The following LAMB1 variants were observed in gnomAD, a reference collection of about 807,000 sequenced individuals.
LAMB1 encodes the protein laminin subunit beta-1.
In LAMB1, 121 loss-of-function variants were observed where a neutral mutation model predicts 222.3. That is an observed-to-expected ratio of 0.54 (90% CI 0.47 to 0.63). LAMB1 has a LOEUF of 0.63. Ranked by LOEUF, LAMB1 falls within the 30% of genes least tolerant of loss-of-function variation. The pLI is 0.00. For synonymous variants in LAMB1, 794 were observed against 807.2 expected (o/e 0.98, Z 0.28); for missense variants, 2,172 against 2,240.8 (o/e 0.97, Z 0.62).
chr7:107,972,477 T>C (rs1388827859), intron 13 of LAMB1, among the ~76,000 whole-genome samples: 2 of 152,180 alleles, frequency 1.3e-5, no homozygotes. Context: ...CAAATGTGTG[T>C]TCTGATAGCT....
intron 26 of LAMB1, among the ~76,000 whole-genome samples, chr7:107,936,629 T>C (rs1273174660): frequency 2.0e-5 from 3 of 152,230 alleles, no homozygotes; most frequent in Non-Finnish European, 4.4e-5. Context: ...CAGTATGATG[T>C]AACATATTTC....
Position 107,998,388 on chromosome 7 carries a change from G to A in LAMB1, c.318C>T (p.Asn106=). 6.2e-7 allele frequency: 1 copy of A among 1,614,030 alleles called. No homozygotes were observed. Among genetic ancestry groups the A allele is most frequent in the Non-Finnish European group, 8.5e-7 (1 of 1,179,958 alleles). The change falls in exon 4 of 34, where the codon AAC becomes AAT. Residue 106 remains asparagine, a synonymous_variant. Coordinates refer to ENST00000222399, the MANE Select transcript of LAMB1 (RefSeq NM_002291.3). ...CAGATTGCCACCAAATCTTAAGGCG[G>A]TTTGGAGCAAATGTAGTGACCACAT... The part of the protein sequence containing the change: ...IENVVTTFAP[N]RLKIWWQSEN...
chr7:107,923,845 T>C lies in LAMB1; in HGVS notation c.*106A>G, dbSNP rs1364492714. On this transcript the variant is annotated 3_prime_UTR_variant, in exon 34 of 34. Coordinates refer to ENST00000222399, the MANE Select transcript of LAMB1 (RefSeq NM_002291.3). ...TTATTTAACTCCATACAAAATGTGA[T>C]TAAAAACATTAAATAGGTGATGTTT... 5 of 1,051,712 alleles carry C rather than the reference T, an allele frequency of 4.8e-6. No individual in the cohort carries two copies. The highest frequency in any genetic ancestry group is 1.7e-5 in the African/African-American group (1 of 59,658). The allele number at this position is 1,051,712 out of a possible 1,614,324, so 65.1% of individuals were successfully genotyped here.
chr7:107,928,803 G>A (rs1333702889), intron 31 of LAMB1, among the ~76,000 whole-genome samples: 1 of 152,188 alleles, frequency 6.6e-6, no homozygotes, highest in Non-Finnish European at 1.5e-5. Flanking sequence ...AAGAATAGAA[G>A]TTTTTATCTT....
rs2032710779 is a variant in LAMB1, at chr7:107,931,511, A to G, written c.4393-11T>C. The G allele has an allele frequency of 1.2e-6, 2 of 1,611,202 alleles. No homozygotes were observed. The highest frequency in any genetic ancestry group is 2.7e-5 in the African/African-American group (2 of 74,944). On this transcript the variant is annotated splice_polypyrimidine_tract_variant and intron_variant, in intron 28 of 33. Coordinates refer to ENST00000222399, the MANE Select transcript of LAMB1 (RefSeq NM_002291.3). The stretch of plus-strand genomic sequence containing the variant: ...TTTTGCTTCAGAGACCTAAATATGA[A>G]GAATAAATTACCCAGGGAAGACTTT...
intron 5 of LAMB1, among the ~76,000 whole-genome samples, chr7:107,990,538 GACTA>G (rs1027454057): frequency 1.7e-3 from 252 of 151,022 alleles, no homozygotes; most frequent in African/African-American, 5.9e-3. Context: ...TATTTCACTT[GACTA>G]ACTAATTTTT....
At position 107,953,589 on chromosome 7, in the gene LAMB1, T is replaced by C. The variant is rs755742559; in HGVS notation, c.3020A>G (p.Glu1007Gly). The change falls in exon 22 of 34, where the codon GAA becomes GGA. Residue 1007 changes from glutamate (E) to glycine (G), a missense_variant. Physicochemically the swap from Glu to Gly is moderately conservative, Grantham distance 98. Transcript: ENST00000222399. ...TCCAAACCGGCAGAACTGACAGTGT[T>C]CCCCTTCCGTGTGGTACAGGCACTT... Reference protein sequence around the residue: ...CLKCLYHTEGEHCQFCRFGYY... With the variant: ...CLKCLYHTEGGHCQFCRFGYY... The C allele has an allele frequency of 1.2e-6, 2 of 1,614,164 alleles. No individual in the cohort carries two copies. Among genetic ancestry groups the C allele is most frequent in the Non-Finnish European group, 1.7e-6 (2 of 1,180,024 alleles).
At chr7:107,954,980 G>A (rs1289227849) in intron 21 of LAMB1, among the ~76,000 whole-genome samples, 2 of 152,110 alleles carry the variant, frequency 1.3e-5, no homozygotes, top group Non-Finnish European at 2.9e-5. Flanking sequence ...GATGAAATAA[G>A]AGGGAGTTTT....
intron 13 of LAMB1, among the ~76,000 whole-genome samples, chr7:107,971,283 T>C (rs1321683625): frequency 2.6e-5 from 4 of 152,196 alleles, no homozygotes; most frequent in Non-Finnish European, 5.9e-5. Context: ...AATCTTTTAT[T>C]TTTAAATTCT....
chr7:107,991,782 C>T (rs550956087), intron 5 of LAMB1, among the ~76,000 whole-genome samples: 1 of 151,898 alleles, frequency 6.6e-6, no homozygotes, highest in East Asian at 1.9e-4. Flanking sequence ...GTGGCACATG[C>T]CCGTAATCCT....
intron 27 of LAMB1, among the ~76,000 whole-genome samples, chr7:107,933,982 A>G (rs2237684): frequency 0.26 from 38,883 of 151,610 alleles, 5,731 homozygotes; most frequent in East Asian, 0.52. Context: ...GTTTGTGATA[A>G]CTGATTTTTT....
intron 2 of LAMB1, 78 bp from the exon 3 acceptor site, chr7:108,001,811 G>C (rs1414735255): frequency 6.3e-7 from 1 of 1,575,358 alleles, no homozygotes; most frequent in African/African-American, 1.4e-5. Flanking sequence ...AAGCGGGGGC[G>C]GGGGAGTGGG....
intron 2 of LAMB1, chr7:108,001,986 C>T: frequency 6.9e-7 from 1 of 1,444,854 alleles, no homozygotes; most frequent in Non-Finnish European, 9.1e-7. Context: ...AGCCTCCCTC[C>T]CGGGAAACCC....
chr7:107,954,329 A>G (rs2033328838), intron 21 of LAMB1, among the ~76,000 whole-genome samples: 1 of 146,958 alleles, frequency 6.8e-6, no homozygotes, highest in Non-Finnish European at 1.5e-5. Context: ...TAATTTTGTA[A>G]AATTTTTTTT....
chr7:107,931,373 A>T lies in LAMB1; in HGVS notation c.4520T>A (p.Ile1507Asn). ...NEELRNLIKQ[I>N]RNFLTQDSAD... is the part of the protein sequence containing the mutation. Reference sequence around the variant, plus strand: ...TTTCTTACGGGTCAAAAAGTTTCTGATTTGCTTGATTAGATTTCTCAGCTC... The same window carrying T: ...TTTCTTACGGGTCAAAAAGTTTCTGTTTTGCTTGATTAGATTTCTCAGCTC... The change falls in exon 29 of 34, where the codon ATC becomes AAC. Residue 1507 changes from isoleucine to asparagine, a missense_variant. By Grantham distance (149) the Ile-to-Asn change is moderately radical (BLOSUM62 -3). Transcript: ENST00000222399. 6.2e-7 allele frequency: 1 copy of T among 1,613,134 alleles called. No individual in the cohort carries two copies. The highest frequency in any genetic ancestry group is 8.5e-7 in the Non-Finnish European group (1 of 1,179,716).
In LAMB1 at chr7:107,953,711, T is replaced by C; in HGVS notation, c.2898A>G (p.Pro966=). 6.2e-7 allele frequency: 1 copy of C among 1,614,206 alleles called. No homozygotes were observed. The highest frequency in any genetic ancestry group is 8.5e-7 in the Non-Finnish European group (1 of 1,180,030). ...DDCASGYFGN[P]SEVGGSCQPC... ...GCTGACACGACCCCCCAACTTCTGA[T>C]GGATTGCCAAAGTATCCTGAGGCAC... is the stretch of plus-strand genomic sequence containing the variant. The change falls in exon 22 of 34, where the codon CCA becomes CCG. Residue 966 remains proline, a synonymous_variant. Coordinates refer to ENST00000222399, the MANE Select transcript of LAMB1 (RefSeq NM_002291.3).
chr7:107,962,285 G>A (rs771753726), intron 15 of LAMB1, among the ~76,000 whole-genome samples: 2 of 152,148 alleles, frequency 1.3e-5, no homozygotes, highest in African/African-American at 2.4e-5. Context: ...ACAGTTCGGG[G>A]CTTCAGTCTG....
At chr7:107,955,371 A>G (rs977246460) in intron 21 of LAMB1, 96 bp downstream of exon 21, 2 of 1,084,188 alleles carry the variant, frequency 1.8e-6, no homozygotes, top group Non-Finnish European at 2.6e-6. Flanking sequence ...AGTAGACTTA[A>G]TTGGTTCACT....
At chr7:107,961,124 C>T (rs958554550) in intron 17 of LAMB1, 82 bp downstream of exon 17, 3 of 1,537,556 alleles carry the variant, frequency 2.0e-6, no homozygotes, top group Non-Finnish European at 1.8e-6. Flanking sequence ...TCAGCATTAC[C>T]CCTCAACAAA....
Sources: gnomAD v4.1 joint callset for allele counts (sites outside exome capture counted in the v4.1 genomes callset) on GRCh38, gnomAD v4.1.1 for gene constraint, MANE v1.5 for transcripts, NCBI Gene and HGNC (gene_info 2026-07-23, HGNC 2026-07-21) for gene names.